The following IRF2BPL variants were observed in gnomAD, a reference collection of about 807,000 sequenced individuals.
IRF2BPL encodes probable E3 ubiquitin-protein ligase IRF2BPL.
IRF2BPL carries 13 observed loss-of-function variants against 51.2 expected under a neutral mutation model. That is an observed-to-expected ratio of 0.25 (90% confidence interval 0.17 to 0.40). The LOEUF (loss-of-function observed/expected upper bound fraction) is 0.40. Among genes scored for constraint, IRF2BPL ranks in the 10% least tolerant of loss-of-function variants. IRF2BPL has a pLI of 1.00. For synonymous variants in IRF2BPL, 768 were observed against 509.2 expected, an observed-to-expected ratio of 1.51 and a Z score of -6.84; for missense variants, 1,210 against 1,111.8, an observed-to-expected ratio of 1.09 and a Z score of -1.26.
chr14:77,027,388 G>C lies in IRF2BPL; in HGVS notation c.405C>G (p.Ser135Arg). ...ACGGGGCCGCCAGCACCGCAGGCTT[G>C]CTGGAACCATCAACGTGGTTGAGCT... ...QQQLNHVDGSSKPAVLAAPSG... is the reference protein window; with the variant it reads ...QQQLNHVDGSRKPAVLAAPSG... The change falls in exon 1 of 1, where the codon AGC (serine) becomes AGG (arginine). Residue 135 changes from serine to arginine, a missense_variant. Physicochemically the swap from Ser to Arg is moderately radical, Grantham distance 110. Coordinates refer to ENST00000238647, the MANE Select transcript of IRF2BPL (RefSeq NM_024496.4). 6.7e-7 allele frequency: 1 copy of C among 1,487,870 alleles called. No individual in the cohort carries two copies. Among genetic ancestry groups the C allele is most frequent in the Non-Finnish European group, 8.9e-7 (1 of 1,120,738 alleles). The allele number at this position is 1,487,870 out of a possible 1,614,324, so 92.2% of individuals were successfully genotyped here.
rs757817262 is a variant in IRF2BPL at position 77,026,022 on chromosome 14, G to A, written c.1771C>T (p.His591Tyr). The stretch of plus-strand genomic sequence containing the variant: ...GGCGGAGGCGGACCCCCCGCCGCGT[G>A]CCCCGGCGCCGCGAAGCCCCCGGCG... The part of the protein sequence containing the change: ...MSAGGFAAPG[H>Y]AAGGPPPPPP... Residue 591 changes from histidine to tyrosine, a missense_variant, in exon 1 of 1, where the codon CAC becomes TAC. Coordinates refer to ENST00000238647, the MANE Select transcript of IRF2BPL (RefSeq NM_024496.4). 10 of 1,564,006 alleles carry A rather than the reference G, an allele frequency of 6.4e-6. No homozygotes were observed. Among genetic ancestry groups the A allele is most frequent in the Non-Finnish European group, 8.6e-6 (10 of 1,156,166 alleles).
chr14:77,025,720 G>C lies in IRF2BPL; in HGVS notation c.2073C>G (p.His691Gln), dbSNP rs1194408684. 26 of 1,573,866 alleles carry C rather than the reference G, an allele frequency of 1.7e-5. No individual in the cohort carries two copies. The highest frequency in any genetic ancestry group is 2.2e-5 in the Non-Finnish European group (26 of 1,158,644). Residue 691 changes from histidine (H) to glutamine (Q), a missense_variant, in exon 1 of 1, where the codon CAC becomes CAG. His to Gln is a conservative substitution (Grantham distance 24). Coordinates refer to ENST00000238647, the MANE Select transcript of IRF2BPL (RefSeq NM_024496.4). ...GGGGGTGCACTTGGTCCATGCCCGG[G>C]TGGGCGCTAGGCGGCGGGGGCGCCA... The part of the protein sequence containing the change: ...LQVAPPPPSA[H>Q]PGMDQVHPQN...
chr14:77,025,887 T>G lies in IRF2BPL; in HGVS notation c.1906A>C (p.Thr636Pro). The G allele has an allele frequency of 1.9e-6, 3 of 1,612,156 alleles. No individual in the cohort carries two copies. Among genetic ancestry groups the G allele is most frequent in the Non-Finnish European group, 2.5e-6 (3 of 1,179,672 alleles). The part of the protein sequence containing the change: ...ALMSVADTLG[T>P]AHSPKDGSSV... ...CTGCCATCCTTGGGCGAGTGCGCTG[T>G]GCCCAGAGTATCTGCCACCGACATG... Residue 636 changes from threonine to proline, a missense_variant, in exon 1 of 1, where the codon ACA becomes CCA. By Grantham distance (38) the Thr-to-Pro change is conservative (BLOSUM62 -1). Transcript: ENST00000238647.
chr14:77,028,655 G>T lies in IRF2BPL; in HGVS notation c.-863C>A. On this transcript the variant is annotated 5_prime_UTR_variant, in exon 1 of 1. Transcript: ENST00000238647. ...TGTGGGGTTGTGATTGTTACTCTACGTTCCGGAGGCGCGTCTCGGCGCTCC... is the reference window on the plus strand; with the variant it reads ...TGTGGGGTTGTGATTGTTACTCTACTTTCCGGAGGCGCGTCTCGGCGCTCC... 1 of 384,614 alleles carries T rather than the reference G, an allele frequency of 2.6e-6. No individual in the cohort carries two copies. Among genetic ancestry groups the T allele is most frequent in the Non-Finnish European group, 4.6e-6 (1 of 216,784 alleles). 23.8% of individuals were successfully genotyped at this position (384,614 alleles called of 1,614,324 possible).
In IRF2BPL at chr14:77,025,565, G is replaced by T. The variant is rs1381514219; in HGVS notation, c.2228C>A (p.Ser743Tyr). 6.2e-7 allele frequency: 1 copy of T among 1,610,068 alleles called. No homozygotes were observed. Among genetic ancestry groups the T allele is most frequent in the African/African-American group, 1.3e-5 (1 of 74,656 alleles). ...CCCCTGGGCCTTGATACTCTCTCTAGAGCAAGGGAAGCAAAATTTGTGGCT... is the reference window on the plus strand; with the variant it reads ...CCCCTGGGCCTTGATACTCTCTCTATAGCAAGGGAAGCAAAATTTGTGGCT... ...VPSHKFCFPCSRESIKAQGAT... is the reference protein window; with the variant it reads ...VPSHKFCFPCYRESIKAQGAT... Residue 743 changes from serine to tyrosine, a missense_variant, in exon 1 of 1, where the codon TCT becomes TAT. Physicochemically the swap from Ser to Tyr is moderately radical, Grantham distance 144. Coordinates refer to ENST00000238647, the MANE Select transcript of IRF2BPL (RefSeq NM_024496.4).
chr14:77,028,246 C>G lies in IRF2BPL; in HGVS notation c.-454G>C. ...CGGGGACCCCCCTACGAGCTGCGTC[C>G]TCTCCCCGACGGGCCCCCTGGGGCG... On this transcript the variant is annotated 5_prime_UTR_variant, in exon 1 of 1. Coordinates refer to ENST00000238647, the MANE Select transcript of IRF2BPL (RefSeq NM_024496.4). 4.3e-6 allele frequency: 1 copy of G among 230,226 alleles called. No homozygotes were observed. The highest frequency in any genetic ancestry group is 9.1e-6 in the Non-Finnish European group (1 of 110,270). 14.3% of individuals were successfully genotyped at this position (230,226 alleles called of 1,614,324 possible).
In IRF2BPL at chr14:77,024,805, C is replaced by G. The variant is rs1259507685; in HGVS notation, c.*597G>C. The G allele has an allele frequency of 6.8e-6, 1 of 146,288 alleles. No individual in the cohort carries two copies. Among genetic ancestry groups the G allele is most frequent in the Non-Finnish European group, 1.5e-5 (1 of 66,826 alleles). The allele number at this position is 146,288 out of a possible 1,614,324, so 9.1% of individuals were successfully genotyped here. A position where few individuals can be genotyped will look rare whatever the true frequency, so the allele number is the denominator to read the frequency against. ...AAATACACCCCATCCCCCCCGACAC[C>G]CCCTTACCATTTTGCAAACAAAACA... is the stretch of plus-strand genomic sequence containing the variant. On this transcript the variant is annotated 3_prime_UTR_variant, in exon 1 of 1. Coordinates refer to ENST00000238647, the MANE Select transcript of IRF2BPL (RefSeq NM_024496.4).
At position 77,027,870 on chromosome 14, in the gene IRF2BPL, TGGGGAGGGAGTCCGACTGCG is replaced by T; in HGVS notation, c.-98_-79del. On this transcript the variant is annotated 5_prime_UTR_variant, in exon 1 of 1. Coordinates refer to ENST00000238647, the MANE Select transcript of IRF2BPL (RefSeq NM_024496.4). ...TTCTCCTCCGGGAGGACTGGCCGGC[TGGGGAGGGAGTCCGACTGCG>T]GGGGAGGGAGGAGGGGGGGCGAGAA... is the stretch of plus-strand genomic sequence containing the variant. 2 of 1,392,512 alleles carry T rather than the reference TGGGGAGGGAGTCCGACTGCG, an allele frequency of 1.4e-6. No homozygotes were observed. The highest frequency in any genetic ancestry group is 1.9e-6 in the Non-Finnish European group (2 of 1,067,220). 86.3% of individuals were successfully genotyped at this position (1,392,512 alleles called of 1,614,324 possible).
rs1174392425 is a variant in IRF2BPL, at chr14:77,026,419, C to T, written c.1374G>A (p.Lys458=). Residue 458 remains lysine (K), a synonymous_variant, in exon 1 of 1, where the codon AAG becomes AAA. Coordinates refer to ENST00000238647, the MANE Select transcript of IRF2BPL (RefSeq NM_024496.4). ...DFGRGLSSGF[K]YLEYEKKHGS... The stretch of plus-strand genomic sequence containing the variant: ...CGTGCTTCTTTTCGTACTCCAGGTA[C>T]TTGAAACCCGAGGATAGGCCCCGGC... 4.3e-6 allele frequency: 7 copies of T among 1,613,290 alleles called. No individual in the cohort carries two copies. Among genetic ancestry groups the T allele is most frequent in the Admixed American group, 1.7e-5 (1 of 60,002 alleles).
chr14:77,026,296 G>A lies in IRF2BPL; in HGVS notation c.1497C>T (p.Tyr499=), dbSNP rs751303170. The A allele has an allele frequency of 5.9e-6, 9 of 1,533,418 alleles. No homozygotes were observed. The highest frequency in any genetic ancestry group is 2.7e-5 in the African/African-American group (2 of 72,786). 95.0% of individuals were successfully genotyped at this position (1,533,418 alleles called of 1,614,324 possible). The change falls in exon 1 of 1, where the codon TAC becomes TAT. Residue 499 remains tyrosine (Y), a synonymous_variant. Transcript: ENST00000238647. ...GCAGCATGGGACAGCTGGCGTCCAG[G>A]TAGGGCTGGGGCAGCATGTCGGCGC... ...VPGADMLPQP[Y]LDASCPMLPT...
Position 77,026,226 on chromosome 14 carries a change from C to T in IRF2BPL, c.1567G>A (p.Gly523Arg). 3 of 1,418,892 alleles carry T rather than the reference C, an allele frequency of 2.1e-6. No homozygotes were observed. The highest frequency in any genetic ancestry group is 2.7e-6 in the Non-Finnish European group (3 of 1,093,326). The allele number at this position is 1,418,892 out of a possible 1,614,324, so 87.9% of individuals were successfully genotyped here. ...GCGGCGGGCGGCAAGGCCCCGGTCC[C>T]CGGGGGTGCGCTGGGGGCGCGGCTC... is the stretch of plus-strand genomic sequence containing the variant. Reference protein sequence around the residue: ...SLSRAPSAPPGTGALPPAAPS... With the variant: ...SLSRAPSAPPRTGALPPAAPS... The change falls in exon 1 of 1, where the codon GGG (glycine) becomes AGG (arginine). Residue 523 changes from glycine (G) to arginine (R), a missense_variant. Coordinates refer to ENST00000238647, the MANE Select transcript of IRF2BPL (RefSeq NM_024496.4).
rs1471125299 is a variant in IRF2BPL at position 77,025,351 on chromosome 14, C to A, written c.*51G>T. The A allele has an allele frequency of 1.5e-6, 2 of 1,367,044 alleles. No homozygotes were observed. The highest frequency in any genetic ancestry group is 2.0e-6 in the Non-Finnish European group (2 of 1,012,970). The allele number at this position is 1,367,044 out of a possible 1,614,324, so 84.7% of individuals were successfully genotyped here. ...CGAGTTGGGTTGGGGGAGGGGCCCT[C>A]AGGATTGGAGAGGAGCTGGTCTAGG... On this transcript the variant is annotated 3_prime_UTR_variant, in exon 1 of 1. Coordinates refer to ENST00000238647, the MANE Select transcript of IRF2BPL (RefSeq NM_024496.4).
rs1486737542 is a variant in IRF2BPL, at chr14:77,028,204, C to G, written c.-412G>C. On this transcript the variant is annotated 5_prime_UTR_variant, in exon 1 of 1. Transcript: ENST00000238647. ...CTGGTGCGTGGAAGCTCGAAAGGGG[C>G]TGTCTCTTCCTCTCCCCGGGGACCC... 1 of 225,770 alleles carries G rather than the reference C, an allele frequency of 4.4e-6. No individual in the cohort carries two copies. The highest frequency in any genetic ancestry group is 2.3e-5 in the African/African-American group (1 of 43,350). 14.0% of individuals were successfully genotyped at this position (225,770 alleles called of 1,614,324 possible).
Position 77,026,396 on chromosome 14 carries a change from T to C in IRF2BPL, c.1397A>G (p.His466Arg). ...AAGCAGGCGCCAGTCCCCGGAGCCG[T>C]GCTTCTTTTCGTACTCCAGGTACTT... ...GFKYLEYEKK[H>R]GSGDWRLLGD... The change falls in exon 1 of 1, where the codon CAC (histidine) becomes CGC (arginine). Residue 466 changes from histidine to arginine, a missense_variant. Coordinates refer to ENST00000238647, the MANE Select transcript of IRF2BPL (RefSeq NM_024496.4). 6.2e-7 allele frequency: 1 copy of C among 1,613,172 alleles called. No homozygotes were observed. Among genetic ancestry groups the C allele is most frequent in the Non-Finnish European group, 8.5e-7 (1 of 1,179,956 alleles).
chr14:77,027,475 CTGTTGCTGT>C lies in IRF2BPL; in HGVS notation c.309_317del (p.Gln125_Gln127del). On this transcript the variant is annotated inframe_deletion, in exon 1 of 1. Transcript: ENST00000238647. ...GTTGCTGCTGCTGCTGCTGCTGTTG[CTGTTGCTGT>C]TGCGCGGCGGCGGCGGCGGCCGCCG... The C allele has an allele frequency of 7.3e-7, 1 of 1,371,756 alleles. No homozygotes were observed. The highest frequency in any genetic ancestry group is 3.1e-5 in the East Asian group (1 of 32,056). The allele number at this position is 1,371,756 out of a possible 1,614,324, so 85.0% of individuals were successfully genotyped here. A position where few individuals can be genotyped will look rare whatever the true frequency, so the allele number is the denominator to read the frequency against.
rs760289798 is a variant in IRF2BPL at position 77,027,233 on chromosome 14, G to A, written c.560C>T (p.Ala187Val). The A allele has an allele frequency of 2.5e-6, 4 of 1,601,866 alleles. No individual in the cohort carries two copies. In the Admixed American group the frequency reaches 6.8e-5, roughly 27 times the overall value. The change falls in exon 1 of 1, where the codon GCG becomes GTG. Residue 187 changes from alanine (A) to valine (V), a missense_variant. Transcript: ENST00000238647. ...PVSLGSSSHT[A>V]RLPNGLGGPN... ...GCCCCCCAGGCCGTTGGGCAGTCGC[G>A]CGGTGTGGCTGCTGCTTCCCAGGCT...
Position 77,025,385 on chromosome 14 carries a change from G to A in IRF2BPL, c.*17C>T, listed in dbSNP as rs1885080694. 1.3e-6 allele frequency: 2 copies of A among 1,518,248 alleles called. No individual in the cohort carries two copies. The highest frequency in any genetic ancestry group is 2.1e-5 in the Admixed American group (1 of 47,250). The allele number at this position is 1,518,248 out of a possible 1,614,324, so 94.0% of individuals were successfully genotyped here. A position where few individuals can be genotyped will look rare whatever the true frequency, so the allele number is the denominator to read the frequency against. On this transcript the variant is annotated 3_prime_UTR_variant, in exon 1 of 1. Coordinates refer to ENST00000238647, the MANE Select transcript of IRF2BPL (RefSeq NM_024496.4). ...AGAGGAGCTGGTCTAGGGCAAAGGA[G>A]GTGGCTGCCCAGTGGTTCAAGGGTC...
rs771978372 is a variant in IRF2BPL at position 77,025,567 on chromosome 14, G to A, written c.2226C>T (p.Cys742=). 9 of 1,609,664 alleles carry A rather than the reference G, an allele frequency of 5.6e-6. No homozygotes were observed. Among genetic ancestry groups the A allele is most frequent in the African/African-American group, 2.7e-5 (2 of 74,628 alleles). The change falls in exon 1 of 1, where the codon TGC becomes TGT. Residue 742 remains cysteine (C), a synonymous_variant. Transcript: ENST00000238647. ...SVPSHKFCFP[C]SRESIKAQGA... ...CCTGGGCCTTGATACTCTCTCTAGA[G>A]CAAGGGAAGCAAAATTTGTGGCTGG...
Position 77,025,128 on chromosome 14 carries a change from T to C in IRF2BPL, c.*274A>G, listed in dbSNP as rs558086744. ...AAACATTCTGCCACCAAATAAATGC[T>C]AACGATATGATGCAAATGACCCAAC... On this transcript the variant is annotated 3_prime_UTR_variant, in exon 1 of 1. Coordinates refer to ENST00000238647, the MANE Select transcript of IRF2BPL (RefSeq NM_024496.4). The C allele has an allele frequency of 7.1e-6, 2 of 283,350 alleles. No homozygotes were observed. Among genetic ancestry groups the C allele is most frequent in the South Asian group, 1.4e-4 (1 of 6,930 alleles). The allele number at this position is 283,350 out of a possible 1,614,324, so 17.6% of individuals were successfully genotyped here. A position where few individuals can be genotyped will look rare whatever the true frequency, so the allele number is the denominator to read the frequency against.
Sources: allele counts gnomAD v4.1 joint callset, GRCh38; gene constraint gnomAD v4.1.1; transcripts MANE v1.5; gene names NCBI Gene and HGNC (gene_info 2026-07-23, HGNC 2026-07-21).